The following MBNL2 variants were observed in gnomAD, a reference collection of about 807,000 sequenced individuals.
MBNL2 encodes the protein muscleblind-like protein 2.
A neutral mutation model predicts 41.9 loss-of-function variants in MBNL2; 17 were observed. That is an observed-to-expected ratio of 0.41 (90% confidence interval 0.28 to 0.61). The LOEUF is 0.61. Ranked by LOEUF, MBNL2 falls within the 20% of genes least tolerant of loss-of-function variation. MBNL2 has a pLI of 0.35. For synonymous variants in MBNL2, 195 were observed against 182.9 expected (o/e 1.07, Z -0.53); for missense variants, 336 against 505.6 (o/e 0.66, Z 3.22).
intron 2 of MBNL2, among the ~76,000 whole-genome samples, chr13:97,280,167 C>G (rs1158333596): frequency 3.9e-5 from 6 of 152,260 alleles, no homozygotes; most frequent in African/African-American, 1.2e-4. Context: ...GATGCTTTTA[C>G]GATCCATGAA....
chr13:97,287,943 T>TGTTTTG, intron 2 of MBNL2, among the ~76,000 whole-genome samples: 1 of 144,364 alleles, frequency 6.9e-6, no homozygotes, highest in Non-Finnish European at 1.5e-5. Context: ...TGTTTTGTTT[T>TGTTTTG]TTTTTTTTTT....
At chr13:97,242,265 C>A (rs776781092) in intron 1 of MBNL2, among the ~76,000 whole-genome samples, 1 of 152,138 alleles carries the variant, frequency 6.6e-6, no homozygotes, top group Admixed American at 6.5e-5. Context: ...GAGGAGGGAG[C>A]GGGCACGTGG....
chr13:97,149,166 T>G, the MBNL2 span, among the ~76,000 whole-genome samples: 1 of 152,210 alleles, frequency 6.6e-6, no homozygotes, highest in East Asian at 1.9e-4. Flanking sequence ...AGGACAAGAT[T>G]CAGCCTTGGC....
At position 97,268,091 on chromosome 13, in the gene MBNL2, T is replaced by G. The variant is rs1488310632; in HGVS notation, c.-604-7541T>G. Among the ~76,000 whole-genome samples, 4 of 151,646 alleles carry G rather than the reference T, an allele frequency of 2.6e-5. No individual in the cohort carries two copies. The highest frequency in any genetic ancestry group is 2.6e-4 in the Admixed American group (4 of 15,218). On this transcript the variant is annotated intron_variant, in intron 1 of 8. Transcript: ENST00000679496. The surrounding 1 kb of genome is among the most constrained non-coding windows in gnomAD (Gnocchi z 4.6). ...TTTTTTCTTTCCTTCCTTCCTTCCTTCCTTCCTTCCTTTCTTTCTTTTGAG... is the reference window on the plus strand; with the variant it reads ...TTTTTTCTTTCCTTCCTTCCTTCCTGCCTTCCTTCCTTTCTTTCTTTTGAG...
At chr13:97,212,925 G>A in the MBNL2 span, among the ~76,000 whole-genome samples, 1 of 152,086 alleles carries the variant, frequency 6.6e-6, no homozygotes, top group Non-Finnish European at 1.5e-5. Context: ...ATGCCCATAG[G>A]TCACTAGACA....
intron 1 of MBNL2, among the ~76,000 whole-genome samples, chr13:97,263,568 T>C (rs1394907221): frequency 6.6e-6 from 1 of 152,208 alleles, no homozygotes; most frequent in Non-Finnish European, 1.5e-5. Context: ...TACAGGATTT[T>C]GATGTCTTGC....
At chr13:97,182,362 C>T in the MBNL2 span, among the ~76,000 whole-genome samples, 6 of 152,242 alleles carry the variant, frequency 3.9e-5, no homozygotes, top group African/African-American at 1.2e-4. Context: ...GATAACAGAA[C>T]TAATCTTTGC....
At chr13:97,272,004 GTCT>G (rs2051130997) in intron 1 of MBNL2, among the ~76,000 whole-genome samples, 1 of 152,156 alleles carries the variant, frequency 6.6e-6, no homozygotes, top group African/African-American at 2.4e-5. Flanking sequence ...TCACCATACT[GTCT>G]TCCACAATGG....
chr13:97,200,100 G>A, the MBNL2 span, among the ~76,000 whole-genome samples: 1 of 152,232 alleles, frequency 6.6e-6, no homozygotes, highest in East Asian at 1.9e-4. Flanking sequence ...AAGACAAATG[G>A]GAGCCTGCAT....
intron 4 of MBNL2, among the ~76,000 whole-genome samples, chr13:97,345,306 C>G (rs2061745975): frequency 6.6e-6 from 1 of 152,142 alleles, no homozygotes; most frequent in Non-Finnish European, 1.5e-5. Context: ...CGATTCTACT[C>G]ATAATTATTT....
rs1261762069 is a variant in MBNL2, at chr13:97,259,768, C to T, written c.-604-15864C>T. Reference sequence around the variant, plus strand: ...TAAAGCTAAGAAACTGGAGTCCTAGCGTGCTGAAATAATAGCAACAACAGC... The same window carrying T: ...TAAAGCTAAGAAACTGGAGTCCTAGTGTGCTGAAATAATAGCAACAACAGC... On this transcript the variant is annotated intron_variant, in intron 1 of 8. Coordinates refer to ENST00000679496, the MANE Select transcript of MBNL2 (RefSeq NM_001382683.1). Among the ~76,000 whole-genome samples the T allele has an allele frequency of 2.6e-5, 4 of 152,108 alleles. No homozygotes were observed. In the South Asian group the frequency reaches 8.3e-4, roughly 32 times the overall value.
At chr13:97,241,271 G>A (rs1253103597) in intron 1 of MBNL2, among the ~76,000 whole-genome samples, 1 of 151,838 alleles carries the variant, frequency 6.6e-6, no homozygotes, top group Admixed American at 6.6e-5. Context: ...ACTTTCACAA[G>A]TTAGGTGTTT....
At chr13:97,153,425 ATTAT>A in the MBNL2 span, among the ~76,000 whole-genome samples, 2 of 152,122 alleles carry the variant, frequency 1.3e-5, no homozygotes, top group Non-Finnish European at 2.9e-5. Flanking sequence ...GTGTAAGCAA[ATTAT>A]TTAGGTACAT....
At chr13:97,217,349 A>G (rs2040467962), upstream of MBNL2, among the ~76,000 whole-genome samples, 1 of 152,206 alleles carries the variant, frequency 6.6e-6, no homozygotes, top group Non-Finnish European at 1.5e-5. Flanking sequence ...ATGAATAGGA[A>G]AGACATGGTT....
In MBNL2 at chr13:97,321,435, C is replaced by T. The variant is rs2059494972; in HGVS notation, c.175-12841C>T. 2.0e-5 allele frequency among the ~76,000 whole-genome samples: 3 copies of T among 152,316 alleles called. 1 individual carries two copies. The South Asian group carries it at 6.2e-4, about 32-fold the overall frequency. On this transcript the variant is annotated intron_variant, in intron 2 of 8. Coordinates refer to ENST00000679496, the MANE Select transcript of MBNL2 (RefSeq NM_001382683.1). ...GACAGTGTCTGTTTTCTACTATCCA[C>T]TGTCACCTCCATCGAGTGCATTATC... is the stretch of plus-strand genomic sequence containing the variant.
chr13:97,201,947 C>G, the MBNL2 span, among the ~76,000 whole-genome samples: 1 of 152,142 alleles, frequency 6.6e-6, no homozygotes, highest in African/African-American at 2.4e-5. Flanking sequence ...AGATTTATTT[C>G]TTCATATGTA....
chr13:97,356,939 A>G (rs1363945478), intron 6 of MBNL2, 90 bp downstream of exon 6: 1 of 708,816 alleles, frequency 1.4e-6, no homozygotes, highest in African/African-American at 1.9e-5. Context: ...GGTTGCAAAC[A>G]ATCATTATTA....
At chr13:97,204,704 G>A in the MBNL2 span, among the ~76,000 whole-genome samples, 1 of 152,046 alleles carries the variant, frequency 6.6e-6, no homozygotes, top group Non-Finnish European at 1.5e-5. Context: ...GCAGGGAGTG[G>A]GTTGCGGCCC....
At chr13:97,193,733 G>A in the MBNL2 span, among the ~76,000 whole-genome samples, 1 of 152,164 alleles carries the variant, frequency 6.6e-6, no homozygotes, top group Non-Finnish European at 1.5e-5. Context: ...AACCACAGTG[G>A]CTGAGACTTT....
Sources: allele counts gnomAD v4.1 joint callset (sites outside exome capture counted in the v4.1 genomes callset), GRCh38; gene constraint gnomAD v4.1.1; non-coding constraint Gnocchi (gnomAD v3.1); transcripts MANE v1.5; gene names NCBI Gene and HGNC (gene_info 2026-07-23, HGNC 2026-07-21).